IPCEF1: variants seen among roughly 807,000 people sequenced by gnomAD.
IPCEF1 encodes the protein interaction protein for cytohesin exchange factors 1.
Under a neutral mutation model 50.9 loss-of-function variants are expected in IPCEF1, and 31 were observed. The ratio of observed to expected loss-of-function variants is 0.61; its 90% CI spans 0.46 to 0.82. The LOEUF is 0.82. IPCEF1 is among the 40% of genes least tolerant of loss of function. IPCEF1 has a pLI of 0.00. For synonymous variants in IPCEF1, 181 were observed against 192.0 expected (o/e 0.94, Z 0.47); for missense variants, 458 against 514.0 (o/e 0.89, Z 1.05).
intron 2 of IPCEF1, among the ~76,000 whole-genome samples, chr6:154,267,425 T>C (rs1372253556): frequency 2.6e-5 from 4 of 152,152 alleles, no homozygotes; most frequent in Admixed American, 6.6e-5. Flanking sequence ...TCAATTTGGG[T>C]GGAGGTGGAG....
rs1024835513 is a variant in IPCEF1, at chr6:154,262,755, A to G, written c.36+3157T>C. On this transcript the variant is annotated intron_variant, in intron 3 of 11. Coordinates refer to ENST00000367220, the MANE Select transcript of IPCEF1 (RefSeq NM_001130700.2). Reference sequence around the variant, plus strand: ...TCTTTGTTCCAAATAGTACATATACACATGCTTATAATCCTTTTTTTTTTT... The same window carrying G: ...TCTTTGTTCCAAATAGTACATATACGCATGCTTATAATCCTTTTTTTTTTT... 1.1e-4 allele frequency among the ~76,000 whole-genome samples: 16 copies of G among 146,108 alleles called. No homozygotes were observed. In the Admixed American group the frequency reaches 1.1e-3, roughly 10 times the overall value.
chr6:154,294,788 C>A (rs1411347388), intron 1 of IPCEF1, among the ~76,000 whole-genome samples: 3 of 152,122 alleles, frequency 2.0e-5, no homozygotes, highest in African/African-American at 7.2e-5. Flanking sequence ...TGACAAGAAC[C>A]TGGCTTTTAG....
intron 2 of IPCEF1, among the ~76,000 whole-genome samples, chr6:154,280,617 C>A (rs933167944): frequency 6.6e-6 from 1 of 151,992 alleles, no homozygotes; most frequent in Non-Finnish European, 1.5e-5. Flanking sequence ...ATAGAGCAGC[C>A]AAAGCTAGAT....
chr6:154,201,527 G>A (rs9322451), intron 9 of IPCEF1, among the ~76,000 whole-genome samples: 35,293 of 152,076 alleles, frequency 0.23, 4,803 homozygotes, highest in East Asian at 0.61. Flanking sequence ...AGCAGACAAG[G>A]TAGAGAAGGC....
intron 1 of IPCEF1, among the ~76,000 whole-genome samples, chr6:154,308,577 C>A (rs537259922): frequency 6.6e-6 from 1 of 152,250 alleles, no homozygotes; most frequent in African/African-American, 2.4e-5. Context: ...TTTCAGACAT[C>A]CTGAGAATAA....
intron 6 of IPCEF1, among the ~76,000 whole-genome samples, chr6:154,221,529 G>C (rs1031798942): frequency 1.3e-5 from 2 of 152,154 alleles, no homozygotes; most frequent in African/African-American, 4.8e-5. Context: ...TTTTATGTCA[G>C]AACGTCCAGA....
At chr6:154,209,325 T>C (rs1583804340) in intron 9 of IPCEF1, among the ~76,000 whole-genome samples, 1 of 152,308 alleles carries the variant, frequency 6.6e-6, no homozygotes, top group East Asian at 1.9e-4. Flanking sequence ...CTATACTGTA[T>C]TGGGCCAAAC....
intron 10 of IPCEF1, among the ~76,000 whole-genome samples, chr6:154,182,799 G>A (rs968415925): frequency 5.3e-5 from 8 of 151,950 alleles, no homozygotes; most frequent in Non-Finnish European, 1.0e-4. Context: ...TCAACCATGT[G>A]GATCCATGAT....
intron 5 of IPCEF1, among the ~76,000 whole-genome samples, chr6:154,235,602 A>G (rs1053754532): frequency 6.6e-5 from 10 of 152,068 alleles, no homozygotes; most frequent in African/African-American, 2.4e-4. Context: ...TACAACACAT[A>G]ATCTTGCCTT....
At chr6:154,308,048 T>C (rs907362405) in intron 1 of IPCEF1, among the ~76,000 whole-genome samples, 1 of 152,142 alleles carries the variant, frequency 6.6e-6, no homozygotes, top group Non-Finnish European at 1.5e-5. Context: ...TCAGCAATTT[T>C]TAGGGGGAGA....
chr6:154,172,368 G>C (rs894492212), intron 10 of IPCEF1, among the ~76,000 whole-genome samples: 2 of 152,300 alleles, frequency 1.3e-5, no homozygotes, highest in East Asian at 3.9e-4. Context: ...AGGGGTCGGG[G>C]GATTTCCCTT....
chr6:154,258,487 T>C (rs1487819484), intron 3 of IPCEF1, among the ~76,000 whole-genome samples: 1 of 152,248 alleles, frequency 6.6e-6, no homozygotes, highest in African/African-American at 2.4e-5. Context: ...TGTTTATCTG[T>C]GTGGGATACC....
At chr6:154,328,903 A>G (rs1457417116) in intron 1 of IPCEF1, among the ~76,000 whole-genome samples, 2 of 152,254 alleles carry the variant, frequency 1.3e-5, no homozygotes, top group African/African-American at 4.8e-5. Context: ...GCTATTACTG[A>G]ACTTCAAAGT....
intron 1 of IPCEF1, among the ~76,000 whole-genome samples, chr6:154,293,823 A>G (rs2128670593): frequency 6.6e-6 from 1 of 152,364 alleles, no homozygotes; most frequent in East Asian, 1.9e-4. Flanking sequence ...AGGAAGTTGC[A>G]CTGATGATTG....
intron 1 of IPCEF1, among the ~76,000 whole-genome samples, chr6:154,313,737 T>G (rs915255341): frequency 1.3e-5 from 2 of 152,040 alleles, no homozygotes; most frequent in Non-Finnish European, 2.9e-5. Flanking sequence ...CTGGTTCTTT[T>G]TTTTGTTTTG....
At chr6:154,253,424 T>G (rs1265189634) in intron 3 of IPCEF1, among the ~76,000 whole-genome samples, 1 of 152,236 alleles carries the variant, frequency 6.6e-6, no homozygotes, top group Non-Finnish European at 1.5e-5. Flanking sequence ...TTCACTATTA[T>G]GTTTTTGTAA....
At chr6:154,297,541 C>T (rs1782695296) in intron 1 of IPCEF1, among the ~76,000 whole-genome samples, 1 of 152,300 alleles carries the variant, frequency 6.6e-6, no homozygotes, top group South Asian at 2.1e-4. Flanking sequence ...ATCTATTCCA[C>T]TTTTTAGAAA....
intron 11 of IPCEF1, among the ~76,000 whole-genome samples, chr6:154,167,183 TA>T (rs1268844874): frequency 6.6e-6 from 1 of 152,254 alleles, no homozygotes; most frequent in African/African-American, 2.4e-5. Context: ...AATCGTCTGC[TA>T]AATCAGGAGC....
rs555350225 is a variant in IPCEF1, at chr6:154,265,217, T to C, written c.36+695A>G. Among the ~76,000 whole-genome samples the C allele has an allele frequency of 2.0e-5, 3 of 152,264 alleles. No individual in the cohort carries two copies. The East Asian group carries it at 5.8e-4, about 29-fold the overall frequency. On this transcript the variant is annotated intron_variant, in intron 3 of 11. Coordinates refer to ENST00000367220, the MANE Select transcript of IPCEF1 (RefSeq NM_001130700.2). ...TATACTTGCTCAATTCACTTACCTA[T>C]CTTAGGCAAACATATGACCATAAAA...
Sources: gnomAD v4.1 joint callset for allele counts (sites outside exome capture counted in the v4.1 genomes callset) on GRCh38, gnomAD v4.1.1 for gene constraint, MANE v1.5 for transcripts, NCBI Gene and HGNC (gene_info 2026-07-23, HGNC 2026-07-21) for gene names.